The following GPC6 variants were observed in gnomAD, a reference collection of about 807,000 sequenced individuals.
GPC6 encodes glypican 6.
Under a neutral mutation model 55.2 loss-of-function variants are expected in GPC6, and 14 were observed. That is an observed-to-expected ratio of 0.25 (90% CI 0.17 to 0.40). The LOEUF (loss-of-function observed/expected upper bound fraction) is 0.40. GPC6 is among the 10% of genes least tolerant of loss of function. The pLI is 1.00. For synonymous variants in GPC6, 278 were observed against 259.6 expected, an observed-to-expected ratio of 1.07 and a Z score of -0.68; for missense variants, 641 against 708.5, an observed-to-expected ratio of 0.90 and a Z score of 1.08.
intron 2 of GPC6, among the ~76,000 whole-genome samples, chr13:93,703,714 C>T (rs1882751992): frequency 6.6e-6 from 1 of 151,784 alleles, no homozygotes; most frequent in Middle Eastern, 3.4e-3. Context: ...AATGCTATAG[C>T]ACTTTTAGAA....
intron 5 of GPC6, among the ~76,000 whole-genome samples, chr13:94,300,968 G>A (rs1293909815): frequency 2.6e-5 from 4 of 152,094 alleles, no homozygotes; most frequent in Admixed American, 6.5e-5. Context: ...TCTGAATCAC[G>A]TCTCTCCTTG....
intron 3 of GPC6, among the ~76,000 whole-genome samples, chr13:93,963,158 A>T (rs572087249): frequency 3.9e-4 from 60 of 152,126 alleles, no homozygotes; most frequent in African/African-American, 1.3e-3. Flanking sequence ...AATCCTCTAG[A>T]TTTTCCAAGA....
At chr13:93,265,798 CT>C (rs1214736060) in intron 1 of GPC6, among the ~76,000 whole-genome samples, 1 of 141,796 alleles carries the variant, frequency 7.1e-6, no homozygotes, top group Admixed American at 7.2e-5. Context: ...TCTTTTTTTT[CT>C]TTTTTTTCTT....
At chr13:93,644,915 T>C (rs554367440) in intron 2 of GPC6, among the ~76,000 whole-genome samples, 2 of 152,242 alleles carry the variant, frequency 1.3e-5, no homozygotes, top group East Asian at 1.9e-4. Flanking sequence ...AACCCACTGA[T>C]TAAACACACA....
At chr13:94,387,827 C>A (rs944614183) in intron 7 of GPC6, among the ~76,000 whole-genome samples, 1 of 151,640 alleles carries the variant, frequency 6.6e-6, no homozygotes, top group African/African-American at 2.4e-5. Flanking sequence ...TAATCAGACA[C>A]AGGATATGCC....
intron 2 of GPC6, among the ~76,000 whole-genome samples, chr13:93,679,248 T>C (rs149966783): frequency 3.9e-5 from 6 of 152,274 alleles, no homozygotes; most frequent in Middle Eastern, 3.4e-3. Flanking sequence ...TAATGGTAGA[T>C]AAATATGCAA....
At chr13:94,232,931 T>C (rs1890774721) in intron 4 of GPC6, among the ~76,000 whole-genome samples, 1 of 151,158 alleles carries the variant, frequency 6.6e-6, no homozygotes. Flanking sequence ...TTATGGTTAA[T>C]GTAAATGTCA....
chr13:93,386,324 G>A (rs188238079), intron 1 of GPC6, among the ~76,000 whole-genome samples: 3 of 152,100 alleles, frequency 2.0e-5, no homozygotes, highest in South Asian at 4.1e-4. Flanking sequence ...TTAAAATAAT[G>A]TTTATTGTTT....
upstream of GPC6, among the ~76,000 whole-genome samples, chr13:93,224,362 T>C (rs1875703260): frequency 1.3e-5 from 2 of 151,818 alleles, no homozygotes; most frequent in Non-Finnish European, 2.9e-5. Context: ...GCCCAGCTAA[T>C]TTTGTATCTT....
At chr13:93,709,924 G>C (rs1209732046) in intron 2 of GPC6, among the ~76,000 whole-genome samples, 1 of 151,728 alleles carries the variant, frequency 6.6e-6, no homozygotes, top group Non-Finnish European at 1.5e-5. Flanking sequence ...ATAAATAACA[G>C]TTCAGGACTA....
At chr13:93,607,321 A>C (rs1878275223) in intron 2 of GPC6, among the ~76,000 whole-genome samples, 1 of 152,230 alleles carries the variant, frequency 6.6e-6, no homozygotes, top group South Asian at 2.1e-4. Flanking sequence ...AAGGAAAATT[A>C]TTCATATGCC....
intron 2 of GPC6, among the ~76,000 whole-genome samples, chr13:93,704,693 T>C (rs1438250382): frequency 1.3e-5 from 2 of 151,982 alleles, no homozygotes; most frequent in Non-Finnish European, 2.9e-5. Context: ...AAAGTGAGTC[T>C]GTTGGCACAT....
At chr13:93,234,694 G>GAGAGTGCA (rs567424376) in intron 1 of GPC6, among the ~76,000 whole-genome samples, 1 of 151,392 alleles carries the variant, frequency 6.6e-6, no homozygotes, top group Non-Finnish European at 1.5e-5. Context: ...GTGTGAGAGA[G>GAGAGTGCA]AGAGAGAGAG....
chr13:93,592,906 A>G (rs1000813820), intron 2 of GPC6, among the ~76,000 whole-genome samples: 1 of 90,696 alleles, frequency 1.1e-5, no homozygotes, highest in Non-Finnish European at 2.1e-5. Flanking sequence ...TTTAAATTCT[A>G]ATACAAAACA....
At chr13:93,619,968 C>T (rs1220235687) in intron 2 of GPC6, among the ~76,000 whole-genome samples, 1 of 151,990 alleles carries the variant, frequency 6.6e-6, no homozygotes, top group African/African-American at 2.4e-5. Flanking sequence ...TTCACTATGT[C>T]TGTGATACAG....
Position 94,335,281 on chromosome 13 carries a change from G to A in GPC6, c.1152+29158G>A, listed in dbSNP as rs534099515. ...AGCAGGAAAAAGCCTTTCAAATTAA[G>A]GTGGATAGGATATGCTGAATGTCCA... On this transcript the variant is annotated intron_variant, in intron 6 of 8. Coordinates refer to ENST00000377047, the MANE Select transcript of GPC6 (RefSeq NM_005708.5). 2.0e-5 allele frequency among the ~76,000 whole-genome samples: 3 copies of A among 152,284 alleles called. No homozygotes were observed. The South Asian group carries it at 6.2e-4, about 32-fold the overall frequency.
intron 1 of GPC6, among the ~76,000 whole-genome samples, chr13:93,365,366 C>T (rs898305215): frequency 6.6e-6 from 1 of 152,096 alleles, no homozygotes; most frequent in African/African-American, 2.4e-5. Flanking sequence ...GATTCTCAAA[C>T]TCTCATTTCC....
intron 1 of GPC6, among the ~76,000 whole-genome samples, chr13:93,402,784 C>G (rs149134273): frequency 6.6e-6 from 1 of 152,068 alleles, no homozygotes; most frequent in Non-Finnish European, 1.5e-5. Flanking sequence ...ACATGCTCTA[C>G]GAGAAGTCAA....
At chr13:94,203,990 A>G (rs1355663941) in intron 4 of GPC6, among the ~76,000 whole-genome samples, 1 of 152,160 alleles carries the variant, frequency 6.6e-6, no homozygotes, top group Non-Finnish European at 1.5e-5. Context: ...CAGCAAAACT[A>G]CTATATGTTT....
Sources: gnomAD v4.1 joint callset for allele counts (sites outside exome capture counted in the v4.1 genomes callset) on GRCh38, gnomAD v4.1.1 for gene constraint, MANE v1.5 for transcripts, NCBI Gene and HGNC (gene_info 2026-07-23, HGNC 2026-07-21) for gene names.